Variants in SPON1 observed in about 807,000 individuals in gnomAD.
The protein encoded by SPON1 is spondin 1, also known as spondin-1.
SPON1 carries 52 observed loss-of-function variants against 111.7 expected under a neutral mutation model. The ratio of observed to expected loss-of-function variants is 0.47; its 90% confidence interval spans 0.37 to 0.59. The LOEUF is 0.59. Among genes scored for constraint, SPON1 ranks in the 20% least tolerant of loss-of-function variants. SPON1 has a pLI of 0.00. For synonymous variants in SPON1, 410 were observed against 395.8 expected, an observed-to-expected ratio of 1.04 and a Z score of -0.43; for missense variants, 957 against 1,068.5, an observed-to-expected ratio of 0.90 and a Z score of 1.46.
At chr11:14,046,377 A>C (rs1848668562) in intron 3 of SPON1, among the ~76,000 whole-genome samples, 1 of 152,218 alleles carries the variant, frequency 6.6e-6, no homozygotes, top group African/African-American at 2.4e-5. Context: ...ACTAGGGAGC[A>C]GAAGAGTAGA....
At position 14,267,512 on chromosome 11, in the gene SPON1, C is replaced by CA. The variant is rs1849286365; in HGVS notation, c.*1826dup. On this transcript the variant is annotated 3_prime_UTR_variant, in exon 16 of 16. Coordinates refer to ENST00000576479, the MANE Select transcript of SPON1 (RefSeq NM_006108.4). ...TGTTCTAAGCTATCTATCTAACTCT[C>CA]AGCCCATGATAAAGTTCCTTAAGCT... The CA allele has an allele frequency of 6.6e-6, 1 of 152,316 alleles. No individual in the cohort carries two copies. The highest frequency in any genetic ancestry group is 6.5e-5 in the Admixed American group (1 of 15,310). The allele number at this position is 152,316 out of a possible 1,614,324, so 9.4% of individuals were successfully genotyped here. A position where few individuals can be genotyped will look rare whatever the true frequency, so the allele number is the denominator to read the frequency against.
chr11:14,169,495 G>T (rs370735418), intron 6 of SPON1, among the ~76,000 whole-genome samples: 5 of 151,724 alleles, frequency 3.3e-5, no homozygotes, highest in South Asian at 2.1e-4. Flanking sequence ...AGAAGCTCTT[G>T]AGTTTAATTA....
intron 1 of SPON1, among the ~76,000 whole-genome samples, chr11:13,975,451 TAG>T (rs1848095459): frequency 6.6e-6 from 1 of 152,244 alleles, no homozygotes; most frequent in South Asian, 2.1e-4. Flanking sequence ...AGTGGTATGC[TAG>T]ATGCTAAAGA....
intron 3 of SPON1, among the ~76,000 whole-genome samples, chr11:14,063,372 A>G (rs1025182503): frequency 6.6e-6 from 1 of 152,180 alleles, no homozygotes; most frequent in African/African-American, 2.4e-5. Flanking sequence ...TTATTCACTA[A>G]GAAAACTAGA....
chr11:14,180,570 G>A (rs1253694110), intron 6 of SPON1, among the ~76,000 whole-genome samples: 1 of 152,288 alleles, frequency 6.6e-6, no homozygotes, highest in Non-Finnish European at 1.5e-5. Flanking sequence ...TAACGTAGAA[G>A]CTCCTCTACT....
chr11:13,987,778 A>G (rs1435312451), intron 2 of SPON1, among the ~76,000 whole-genome samples: 3 of 152,166 alleles, frequency 2.0e-5, no homozygotes, highest in Non-Finnish European at 4.4e-5. Flanking sequence ...ATGGCTAGCC[A>G]TTTTTCCCAA....
In SPON1 at chr11:14,243,974, A is replaced by C. The variant is rs148421794; in HGVS notation, c.890+578A>C. 8.0e-3 allele frequency among the ~76,000 whole-genome samples: 1,222 copies of C among 152,232 alleles called. 4 individuals are homozygous for C. The highest frequency in any genetic ancestry group is 0.013 in the Admixed American group (203 of 15,292). On this transcript the variant is annotated intron_variant, in intron 7 of 15. Transcript: ENST00000576479. ...GGTCCACCTGGACCTTAAACTCATC[A>C]TGTCCAAAATGGGTCCCATCACCTT...
At chr11:14,069,681 G>T (rs1386172710) in intron 3 of SPON1, among the ~76,000 whole-genome samples, 1 of 152,096 alleles carries the variant, frequency 6.6e-6, no homozygotes, top group Non-Finnish European at 1.5e-5. Flanking sequence ...GGCACAAAAT[G>T]AGTGTTCAGC....
At chr11:13,964,778 C>A (rs1472964698) in intron 1 of SPON1, among the ~76,000 whole-genome samples, 2 of 152,170 alleles carry the variant, frequency 1.3e-5, no homozygotes, top group Non-Finnish European at 2.9e-5. Context: ...GGCGGCCGAT[C>A]CTCCCTGTGG....
intron 6 of SPON1, among the ~76,000 whole-genome samples, chr11:14,197,653 A>C (rs931946881): frequency 6.6e-6 from 1 of 150,896 alleles, no homozygotes; most frequent in African/African-American, 2.4e-5. Flanking sequence ...ATATACAAAA[A>C]AAAAAAAAAA....
chr11:14,083,947 C>G (rs145004550), intron 5 of SPON1, among the ~76,000 whole-genome samples: 6 of 152,262 alleles, frequency 3.9e-5, no homozygotes, highest in African/African-American at 1.4e-4. Context: ...TAAAAAGCGG[C>G]TAGTCCAGCT....
rs1848632168 is a variant in SPON1 at position 14,041,646 on chromosome 11, G to A, written c.471G>A (p.Val157=). 6.2e-7 allele frequency: 1 copy of A among 1,613,670 alleles called. No individual in the cohort carries two copies. Residue 157 remains valine, a synonymous_variant, in exon 3 of 16, where the codon GTG becomes GTA. Transcript: ENST00000576479. ...CACCACCAGCGGGAACAGGCTGCGTGATTCTGAAGTAAGTAAACATGGAAT... is the reference window on the plus strand; with the variant it reads ...CACCACCAGCGGGAACAGGCTGCGTAATTCTGAAGTAAGTAAACATGGAAT... The part of the protein sequence containing the change: ...WIAPPAGTGC[V]ILKASIVQKR...
intron 6 of SPON1, among the ~76,000 whole-genome samples, chr11:14,221,359 C>G (rs1210271301): frequency 6.6e-6 from 1 of 152,174 alleles, no homozygotes; most frequent in Non-Finnish European, 1.5e-5. Context: ...CATGAAGAAA[C>G]TGAGGTTCAG....
intron 6 of SPON1, among the ~76,000 whole-genome samples, chr11:14,198,730 A>G (rs1848428737): frequency 6.6e-6 from 1 of 152,232 alleles, no homozygotes; most frequent in Non-Finnish European, 1.5e-5. Context: ...AGGGTTCTCA[A>G]GTCTCCCATT....
At chr11:14,120,696 T>C (rs782364043) in intron 5 of SPON1, among the ~76,000 whole-genome samples, 11 of 152,190 alleles carry the variant, frequency 7.2e-5, no homozygotes, top group Non-Finnish European at 1.2e-4. Flanking sequence ...CATGTCCTGG[T>C]TTGCTACCAA....
chr11:14,174,674 A>AG (rs529235972), intron 6 of SPON1, among the ~76,000 whole-genome samples: 2 of 152,158 alleles, frequency 1.3e-5, no homozygotes, highest in Non-Finnish European at 2.9e-5. Context: ...AAGAAAAAAA[A>AG]GAAAAAAAAG....
Position 14,135,694 on chromosome 11 carries a change from TG to T in SPON1, c.825+131del. 2.0e-6 allele frequency: 2 copies of T among 986,902 alleles called. No individual in the cohort carries two copies. Among genetic ancestry groups the T allele is most frequent in the African/African-American group, 1.6e-5 (1 of 61,696 alleles). 61.1% of individuals were successfully genotyped at this position (986,902 alleles called of 1,614,324 possible). A position where few individuals can be genotyped will look rare whatever the true frequency, so the allele number is the denominator to read the frequency against. ...TGGAAGAAAATCTATTTGCTGAGTT[TG>T]GGGGTTTTATGTTAAGTAGAGGACA... On this transcript the variant is annotated intron_variant, in intron 6 of 15. Coordinates refer to ENST00000576479, the MANE Select transcript of SPON1 (RefSeq NM_006108.4). This position sits in a 1 kb window ranked among gnomAD's most constrained non-coding sequence, Gnocchi z 4.4.
At chr11:14,018,994 G>T (rs1554914559) in intron 2 of SPON1, among the ~76,000 whole-genome samples, 1 of 152,228 alleles carries the variant, frequency 6.6e-6, no homozygotes, top group Non-Finnish European at 1.5e-5. Flanking sequence ...GTGGTGACCA[G>T]TTGGACATGG....
chr11:14,192,841 T>G (rs747121820), intron 6 of SPON1, among the ~76,000 whole-genome samples: 18 of 150,692 alleles, frequency 1.2e-4, no homozygotes, highest in Non-Finnish European at 2.4e-4. Flanking sequence ...AGGAATAAAA[T>G]GAAAATGTAC....
Sources: gnomAD v4.1 joint callset for allele counts (sites outside exome capture counted in the v4.1 genomes callset) on GRCh38, gnomAD v4.1.1 for gene constraint, Gnocchi (gnomAD v3.1) non-coding constraint, MANE v1.5 for transcripts, NCBI Gene and HGNC (gene_info 2026-07-23, HGNC 2026-07-21) for gene names.